SPTBN1: variants seen among roughly 807,000 people sequenced by gnomAD.
SPTBN1 encodes the protein spectrin beta, non-erythrocytic 1.
SPTBN1 carries 32 observed loss-of-function variants against 266.4 expected under a neutral mutation model. The ratio of observed to expected loss-of-function variants is 0.12; its 90% CI spans 0.09 to 0.16. The LOEUF is 0.16. SPTBN1 is among the 10% of genes least tolerant of loss of function. The pLI, the probability that SPTBN1 is intolerant of heterozygous loss-of-function variation, is 1.00. For missense variants in SPTBN1, 2,296 were observed against 3,067.1 expected, an observed-to-expected ratio of 0.75 and a Z score of 5.94; for synonymous variants, 1,336 against 1,162.2, an observed-to-expected ratio of 1.15 and a Z score of -3.04.
rs1678055117 is a variant in SPTBN1, at chr2:54,622,449, G to A, written c.1026G>A (p.Gln342=). Residue 342 remains glutamine, a synonymous_variant, in exon 9 of 36, where the codon CAG becomes CAA. Transcript: ENST00000356805. The stretch of plus-strand genomic sequence containing the variant: ...TGGTCGGGGTTCAACAGCAGCTTCA[G>A]GCATTCAACACTTACCGCACTGTGG... ...NSLVGVQQQL[Q]AFNTYRTVEK... is the part of the protein sequence containing the mutation. 6.2e-7 allele frequency: 1 copy of A among 1,614,164 alleles called. No individual in the cohort carries two copies. Among genetic ancestry groups the A allele is most frequent in the Non-Finnish European group, 8.5e-7 (1 of 1,180,028 alleles).
Position 54,629,757 on chromosome 2 carries a change from A to G in SPTBN1, c.2623A>G (p.Met875Val), listed in dbSNP as rs1415864245. 1.2e-6 allele frequency: 2 copies of G among 1,611,196 alleles called. No homozygotes were observed. The highest frequency in any genetic ancestry group is 1.1e-5 in the South Asian group (1 of 91,080). Residue 875 changes from methionine (M) to valine (V), a missense_variant, in exon 14 of 36, where the codon ATG (methionine) becomes GTG (valine). This residue lies in a region of SPTBN1 where 434 missense variants were observed against 573.9 expected (regional missense o/e 0.76). Coordinates refer to ENST00000356805, the MANE Select transcript of SPTBN1 (RefSeq NM_003128.3). Reference protein sequence around the residue: ...IDEKEQWLNNMQIPEKLEDLE... With the variant: ...IDEKEQWLNNVQIPEKLEDLE... ...CGAGAAGGAGCAGTGGCTCAACAAC[A>G]TGCAGATCCCAGAGAAGCTGGAGGA...
chr2:54,602,263 T>C (rs1019579630), intron 3 of SPTBN1, among the ~76,000 whole-genome samples: 1 of 152,186 alleles, frequency 6.6e-6, no homozygotes, highest in African/African-American at 2.4e-5. Flanking sequence ...CAGATAAAAG[T>C]GTGAGCACAG....
chr2:54,547,529 C>A (rs1672317644), intron 2 of SPTBN1, among the ~76,000 whole-genome samples: 2 of 152,124 alleles, frequency 1.3e-5, no homozygotes, highest in South Asian at 2.1e-4. Context: ...TTTTGCAGAA[C>A]CTCCATACTA....
At chr2:54,463,664 A>G (rs1374746691) in intron 1 of SPTBN1, among the ~76,000 whole-genome samples, 2 of 152,260 alleles carry the variant, frequency 1.3e-5, no homozygotes, top group Non-Finnish European at 2.9e-5. Flanking sequence ...AATAAATTTT[A>G]ATGATTATAA....
Position 54,558,159 on chromosome 2 carries a change from A to G in SPTBN1, c.148+31593A>G. 1.0e-6 allele frequency: 1 copy of G among 985,378 alleles called. No individual in the cohort carries two copies. Among genetic ancestry groups the G allele is most frequent in the Non-Finnish European group, 1.2e-6 (1 of 829,904 alleles). 61.0% of individuals were successfully genotyped at this position (985,378 alleles called of 1,614,324 possible). On this transcript the variant is annotated intron_variant, in intron 2 of 35. Transcript: ENST00000356805. The surrounding 1 kb of genome is among the most constrained non-coding windows in gnomAD (Gnocchi z 4.6). ...TGTTTGGGAAGGCACTACCGCGGCGAGTCCAGGGCCCGGCCGGGGGTCGGC... is the reference window on the plus strand; with the variant it reads ...TGTTTGGGAAGGCACTACCGCGGCGGGTCCAGGGCCCGGCCGGGGGTCGGC...
At chr2:54,611,350 T>C (rs1186685438) in intron 3 of SPTBN1, among the ~76,000 whole-genome samples, 1 of 152,182 alleles carries the variant, frequency 6.6e-6, no homozygotes, top group African/African-American at 2.4e-5. Flanking sequence ...AGGTCAACTG[T>C]GTATATTTAC....
intron 1 of SPTBN1, among the ~76,000 whole-genome samples, chr2:54,482,374 A>G (rs1668144013): frequency 6.6e-6 from 1 of 152,130 alleles, no homozygotes; most frequent in Non-Finnish European, 1.5e-5. Context: ...AAAAAAAGAA[A>G]AAATTAGAAA....
chr2:54,622,484 C>A lies in SPTBN1; in HGVS notation c.1061C>A (p.Pro354His). 1 of 1,613,708 alleles carries A rather than the reference C, an allele frequency of 6.2e-7. No homozygotes were observed. Among genetic ancestry groups the A allele is most frequent in the Non-Finnish European group, 8.5e-7 (1 of 1,179,778 alleles). ...FNTYRTVEKP[P>H]KFTEKGNLEV... Reference sequence around the variant, plus strand: ...ACTTACCGCACTGTGGAGAAACCACCCAAGTAAGATGCATATTGTAGTGTG... The same window carrying A: ...ACTTACCGCACTGTGGAGAAACCACACAAGTAAGATGCATATTGTAGTGTG... Residue 354 changes from proline (P) to histidine (H), a missense_variant, in exon 9 of 36, where the codon CCC (proline) becomes CAC (histidine). Pro to His is a moderately conservative substitution (Grantham distance 77). This residue lies in a region of SPTBN1 where 148 missense variants were observed against 203.8 expected (regional missense o/e 0.73). Coordinates refer to ENST00000356805, the MANE Select transcript of SPTBN1 (RefSeq NM_003128.3).
At chr2:54,487,353 T>G (rs1668453641) in intron 1 of SPTBN1, among the ~76,000 whole-genome samples, 1 of 152,204 alleles carries the variant, frequency 6.6e-6, no homozygotes, top group South Asian at 2.1e-4. Context: ...CAGGACTAAT[T>G]ACTGCGCACC....
rs1254491388 is a variant in SPTBN1, at chr2:54,533,460, A to G, written c.148+6894A>G. The stretch of plus-strand genomic sequence containing the variant: ...TCTTCCTGAATATGTAAAGAAATCT[A>G]TAAAACATGGCCTAGAATGATCTAA... On this transcript the variant is annotated intron_variant, in intron 2 of 35. Transcript: ENST00000356805. The surrounding 1 kb of genome is among the most constrained non-coding windows in gnomAD (Gnocchi z 4.2). 6.6e-6 allele frequency among the ~76,000 whole-genome samples: 1 copy of G among 152,032 alleles called. No homozygotes were observed. The highest frequency in any genetic ancestry group is 1.5e-5 in the Non-Finnish European group (1 of 68,000).
intron 2 of SPTBN1, among the ~76,000 whole-genome samples, chr2:54,571,548 CACACACACACACACACACACACACACAT>C (rs1002447261): frequency 5.4e-5 from 3 of 55,508 alleles, no homozygotes; most frequent in Non-Finnish European, 8.9e-5. Context: ...ATTGTATGTA[CACACACACACACACACACACACACACAT>C]ACACACACAC....
chr2:54,530,779 C>T (rs755773835), intron 2 of SPTBN1, among the ~76,000 whole-genome samples: 7 of 152,220 alleles, frequency 4.6e-5, no homozygotes, highest in Non-Finnish European at 1.0e-4. Context: ...GGGTTCCTGG[C>T]ATAGAGCTCC....
chr2:54,601,206 C>T (rs751375586), intron 3 of SPTBN1, among the ~76,000 whole-genome samples: 3 of 152,054 alleles, frequency 2.0e-5, no homozygotes, highest in African/African-American at 7.2e-5. Context: ...TTTGTAAAGC[C>T]CCTAGTGCCT....
intron 4 of SPTBN1, among the ~76,000 whole-genome samples, chr2:54,615,772 C>A (rs1333063435): frequency 6.6e-6 from 1 of 152,194 alleles, no homozygotes; most frequent in East Asian, 1.9e-4. Context: ...CCCACACTTG[C>A]TCTAATAGTT....
chr2:54,481,506 T>C (rs951622712), intron 1 of SPTBN1, among the ~76,000 whole-genome samples: 1 of 151,628 alleles, frequency 6.6e-6, no homozygotes, highest in African/African-American at 2.4e-5. Flanking sequence ...TTAAACCAAG[T>C]CCCTGAGGAA....
chr2:54,535,563 A>AGCAT lies in SPTBN1; in HGVS notation c.148+8999_148+9002dup, dbSNP rs1374536993. Among the ~76,000 whole-genome samples the AGCAT allele has an allele frequency of 1.7e-4, 26 of 152,256 alleles. 1 individual carries two copies. The highest frequency in any genetic ancestry group is 6.5e-5 in the Admixed American group (1 of 15,290). ...CTTTTTCAGGTTTCATCCGTGCTGT[A>AGCAT]GCATGTATCAGTACCTTATTTCTGT... On this transcript the variant is annotated intron_variant, in intron 2 of 35. Coordinates refer to ENST00000356805, the MANE Select transcript of SPTBN1 (RefSeq NM_003128.3).
At chr2:54,562,533 C>CTTTTTTTTTTTTTTTT (rs1553447705) in intron 2 of SPTBN1, among the ~76,000 whole-genome samples, 1 of 126,828 alleles carries the variant, frequency 7.9e-6, no homozygotes, top group African/African-American at 3.2e-5. Flanking sequence ...TTTTCTTTTT[C>CTTTTTTTTTTTTTTTT]TTTTTTTTTT....
rs561431379 is a variant in SPTBN1, at chr2:54,508,547, G to T, written c.-47-17825G>T. On this transcript the variant is annotated intron_variant, in intron 1 of 35. Coordinates refer to ENST00000356805, the MANE Select transcript of SPTBN1 (RefSeq NM_003128.3). ...CTAGCGGGTTCTAAGAGGCGGGCTA[G>T]CGGCTTGCAACCTACATGGAAGAGG... is the stretch of plus-strand genomic sequence containing the variant. 3.9e-5 allele frequency among the ~76,000 whole-genome samples: 6 copies of T among 152,248 alleles called. No individual in the cohort carries two copies. The South Asian group carries it at 8.3e-4, about 21-fold the overall frequency.
intron 18 of SPTBN1, among the ~76,000 whole-genome samples, chr2:54,640,517 A>C (rs1679456178): frequency 6.6e-6 from 1 of 152,174 alleles, no homozygotes; most frequent in South Asian, 2.1e-4. Flanking sequence ...TACAGTGGAA[A>C]GATAGAGACC....
Sources: allele counts gnomAD v4.1 joint callset (sites outside exome capture counted in the v4.1 genomes callset), GRCh38; gene constraint gnomAD v4.1.1; regional missense constraint gnomAD v4.1.1; non-coding constraint Gnocchi (gnomAD v3.1); transcripts MANE v1.5; gene names NCBI Gene and HGNC (gene_info 2026-07-23, HGNC 2026-07-21).